The following FGF13 variants were observed in gnomAD, a reference collection of about 807,000 sequenced individuals.
FGF13 encodes the protein fibroblast growth factor homologous factor 2.
A neutral mutation model predicts 19.5 loss-of-function variants in FGF13; 2 were observed. That is an observed-to-expected ratio of 0.10 (90% CI 0.04 to 0.32). The LOEUF (loss-of-function observed/expected upper bound fraction) is 0.32, where lower values mean the gene tolerates loss of function less well. FGF13 is among the 10% of genes least tolerant of loss of function. The pLI is 1.00. For synonymous variants in FGF13, 72 were observed against 76.9 expected, an observed-to-expected ratio of 0.94 and a Z score of 0.33; for missense variants, 113 against 192.7, an observed-to-expected ratio of 0.59 and a Z score of 2.45.
intron 1 of FGF13, among the ~76,000 whole-genome samples, chrX:138,899,443 A>T (rs1364000390): frequency 9.0e-6 from 1 of 111,284 alleles, no homozygotes; most frequent in African/African-American, 3.3e-5. Context: ...AGGTCACTTT[A>T]TCATCCCTTT....
At chrX:138,965,183 A>G in intron 1 of FGF13, among the ~76,000 whole-genome samples, 1 of 111,912 alleles carries the variant, frequency 8.9e-6, no homozygotes, top group Non-Finnish European at 1.9e-5. Context: ...TATGCCTCTC[A>G]CCTCCACTTC....
intron 3 of FGF13, among the ~76,000 whole-genome samples, chrX:138,683,797 G>A (rs187969332): frequency 7.2e-5 from 8 of 111,672 alleles, no homozygotes; most frequent in African/African-American, 9.7e-5. Context: ...ATAATTCAGC[G>A]GGATGACGAG....
intron 3 of FGF13, among the ~76,000 whole-genome samples, chrX:138,786,868 T>C (rs1342485593): frequency 8.9e-6 from 1 of 112,207 alleles, no homozygotes; most frequent in Admixed American, 9.5e-5. Flanking sequence ...TCACAACATA[T>C]CACCAGTTCT....
chrX:138,868,138 C>T (rs1164216026), intron 1 of FGF13, among the ~76,000 whole-genome samples: 3 of 111,800 alleles, frequency 2.7e-5, no homozygotes, highest in African/African-American at 9.8e-5. Context: ...TGTTTGGTCT[C>T]ACTCACTTTG....
chrX:139,055,906 C>A (rs1361539220), intron 1 of FGF13, among the ~76,000 whole-genome samples: 1 of 112,431 alleles, frequency 8.9e-6, no homozygotes, highest in Non-Finnish European at 1.9e-5. Context: ...AAACTAGGTC[C>A]TGTTCAGATA....
At chrX:138,663,770 T>C (rs1337248412) in intron 3 of FGF13, among the ~76,000 whole-genome samples, 1 of 111,353 alleles carries the variant, frequency 9.0e-6, no homozygotes, top group Non-Finnish European at 1.9e-5. Flanking sequence ...CTATGCAAAA[T>C]CCAAATACAA....
intron 1 of FGF13, among the ~76,000 whole-genome samples, chrX:139,019,172 T>A (rs1044521250): frequency 8.9e-6 from 1 of 112,002 alleles, no homozygotes; most frequent in Admixed American, 9.5e-5. Flanking sequence ...GATACACAGG[T>A]AGAAAGTGGT....
chrX:138,830,867 A>G (rs1393453972), intron 3 of FGF13, among the ~76,000 whole-genome samples: 1 of 110,949 alleles, frequency 9.0e-6, no homozygotes, highest in East Asian at 2.8e-4. Flanking sequence ...TGGGAGAAAT[A>G]TCCTGAAGGC....
At chrX:138,897,585 C>T (rs1423000081) in intron 1 of FGF13, among the ~76,000 whole-genome samples, 2 of 112,087 alleles carry the variant, frequency 1.8e-5, no homozygotes, top group South Asian at 7.5e-4. Context: ...GCAGATGCTA[C>T]ACACTTGTCA....
In FGF13 at chrX:138,867,324, T is replaced by G. The variant is rs1031978006; in HGVS notation, c.-112-2674A>C. ...GTCATGGCTACTCAGGAGGCTGAGG[T>G]GGGAGGCTTGCTTGAGCCCACGAGT... On this transcript the variant is annotated intron_variant, in intron 1 of 2. Coordinates refer to the FGF13 transcript ENST00000421460. Among the ~76,000 whole-genome samples the G allele has an allele frequency of 1.4e-4, 15 of 111,089 alleles. 1 individual carries two copies. Among genetic ancestry groups the G allele is most frequent in the Admixed American group, 1.2e-3 (13 of 10,448 alleles).
chrX:138,706,762 A>G (rs2089996301), intron 2 of FGF13, among the ~76,000 whole-genome samples: 1 of 111,738 alleles, frequency 8.9e-6, no homozygotes, highest in African/African-American at 3.2e-5. Context: ...TAATCATTAA[A>G]CCTTCTTGTT....
chrX:138,940,818 G>A (rs990318783), intron 1 of FGF13, among the ~76,000 whole-genome samples: 1 of 111,075 alleles, frequency 9.0e-6, no homozygotes, highest in Non-Finnish European at 1.9e-5. Flanking sequence ...GTATCATGTT[G>A]GTTTGCTTAC....
rs148768954 is a variant in FGF13 at position 139,176,186 on chromosome X, T to C, written c.-113+27230A>G. ...TCTTCTAGATTTTCTAGTTTATTTG[T>C]ATAGAGGTGTTTATAGTATTCTCTT... On this transcript the variant is annotated intron_variant, in intron 1 of 2. Transcript: ENST00000421460. Among the ~76,000 whole-genome samples the C allele has an allele frequency of 6.9e-3, 772 of 111,731 alleles. 3 individuals are homozygous for C. The highest frequency in any genetic ancestry group is 9.7e-3 in the Non-Finnish European group (514 of 53,063).
chrX:139,123,084 C>T (rs1442225843), intron 1 of FGF13, among the ~76,000 whole-genome samples: 1 of 110,550 alleles, frequency 9.0e-6, no homozygotes, highest in East Asian at 2.9e-4. Flanking sequence ...CGTTGAGAAC[C>T]ACTGCCCTAA....
chrX:138,745,577 G>T (rs1461382549), intron 3 of FGF13, among the ~76,000 whole-genome samples: 4 of 112,178 alleles, frequency 3.6e-5, no homozygotes, highest in Non-Finnish European at 7.5e-5. Flanking sequence ...TTCCAGGTTA[G>T]CATCTCGCGA....
chrX:138,978,558 G>A lies in FGF13; in HGVS notation c.-112-113908C>T, dbSNP rs766204512. Among the ~76,000 whole-genome samples, 13 of 112,453 alleles carry A rather than the reference G, an allele frequency of 1.2e-4. No homozygotes were observed. In the South Asian group the frequency reaches 4.1e-3, roughly 35 times the overall value. On this transcript the variant is annotated intron_variant, in intron 1 of 2. Transcript: ENST00000421460. ...ATTACAGGCGCGAGCCACCGCGCCC[G>A]GCCCCTGGTGTTCTTAATGTTAGAT...
rs781423561 is a variant in FGF13, at chrX:138,620,558, G to A, written c.*12292C>T. 5.4e-5 allele frequency: 6 copies of A among 111,143 alleles called. No individual in the cohort carries two copies. Among genetic ancestry groups the A allele is most frequent in the Non-Finnish European group, 1.1e-4 (6 of 52,985 alleles). The allele number at this position is 111,143 out of a possible 1,213,427, so 9.2% of individuals were successfully genotyped here. ...TCAATCACAAAGAAAGACAGCAAGA[G>A]AGGAAGAAAGAAACAAAAAAACTTA... On this transcript the variant is annotated 3_prime_UTR_variant, in exon 5 of 5. Transcript: ENST00000315930.
At chrX:139,177,703 C>T (rs968212249) in intron 1 of FGF13, among the ~76,000 whole-genome samples, 3 of 111,454 alleles carry the variant, frequency 2.7e-5, no homozygotes, top group Non-Finnish European at 5.7e-5. Flanking sequence ...CCACCTAGCT[C>T]CCTGGCTTCA....
At chrX:139,149,483 G>C (rs1157859783) in intron 1 of FGF13, among the ~76,000 whole-genome samples, 1 of 112,374 alleles carries the variant, frequency 8.9e-6, no homozygotes, top group Admixed American at 9.4e-5. Flanking sequence ...ACTAAAGTGT[G>C]TTTGGTGAAA....
Sources: allele counts gnomAD v4.1 joint callset (sites outside exome capture counted in the v4.1 genomes callset), GRCh38; gene constraint gnomAD v4.1.1; transcripts MANE v1.5; gene names NCBI Gene and HGNC (gene_info 2026-07-23, HGNC 2026-07-21).